MACF1: variants seen among roughly 807,000 people sequenced by gnomAD.
MACF1 encodes microtubule actin crosslinking factor 1.
MACF1 carries 193 observed loss-of-function variants against 854.8 expected under a neutral mutation model. That is an observed-to-expected ratio of 0.23 (90% CI 0.20 to 0.25). The LOEUF is 0.25. MACF1 is among the 10% of genes least tolerant of loss of function. MACF1 has a pLI of 1.00. For missense variants in MACF1, 7,722 were observed against 8,929.1 expected, an observed-to-expected ratio of 0.86 and a Z score of 5.45; for synonymous variants, 3,185 against 3,226.7, an observed-to-expected ratio of 0.99 and a Z score of 0.44.
In MACF1 at chr1:39,084,460, G is replaced by T. The variant is rs752502019; in HGVS notation, c.220+22G>T. ...GCTGGTAAGAGAGGTCCCCCAGCAG[G>T]CTGGACGCTGTGGGTGTGAGGGAGG... On this transcript the variant is annotated intron_variant, in intron 2 of 93. Transcript: ENST00000361689. This position sits in a 1 kb window ranked among gnomAD's most constrained non-coding sequence, Gnocchi z 5.2. 1.3e-6 allele frequency: 2 copies of T among 1,591,514 alleles called. No homozygotes were observed. Among genetic ancestry groups the T allele is most frequent in the East Asian group, 2.3e-5 (1 of 44,206 alleles).
chr1:39,307,781 C>T (rs530292865), intron 23 of MACF1, among the ~76,000 whole-genome samples: 1 of 151,276 alleles, frequency 6.6e-6, no homozygotes. Context: ...GCCATGTTGG[C>T]CAGGCTGGTC....
intron 18 of MACF1, 60 bp from the exon 19 acceptor site, chr1:39,294,986 A>G: frequency 8.1e-7 from 1 of 1,231,470 alleles, no homozygotes; most frequent in Non-Finnish European, 1.2e-6. Flanking sequence ...GCTTTTATTT[A>G]TGCTATCCGC....
intron 2 of MACF1, among the ~76,000 whole-genome samples, chr1:39,234,689 GAC>G: frequency 7.9e-6 from 1 of 127,330 alleles, no homozygotes; most frequent in East Asian, 2.5e-4. Context: ...GTCGGGCGGA[GAC>G]GCTCCTCACT....
In MACF1 at chr1:39,485,811, C is replaced by G. The variant is rs545883235; in HGVS notation, c.*17C>G. The G allele has an allele frequency of 1.4e-5, 22 of 1,560,232 alleles. No individual in the cohort carries two copies. The Admixed American group carries it at 2.0e-4, about 14-fold the overall frequency. On this transcript the variant is annotated 3_prime_UTR_variant, in exon 101 of 101. Coordinates refer to ENST00000564288, the MANE Select transcript of MACF1 (RefSeq NM_001394062.1). Reference sequence around the variant, plus strand: ...AAGCGATAACACTGTCTAAGCACCCCCAAGCCACTATCCACTTTGAATCCT... The same window carrying G: ...AAGCGATAACACTGTCTAAGCACCCGCAAGCCACTATCCACTTTGAATCCT...
chr1:39,239,108 C>T (rs1644892003), intron 2 of MACF1, among the ~76,000 whole-genome samples: 2 of 152,124 alleles, frequency 1.3e-5, no homozygotes, highest in Non-Finnish European at 2.9e-5. Context: ...TGGTGAAACC[C>T]CATCTCTACT....
intron 2 of MACF1, among the ~76,000 whole-genome samples, chr1:39,155,648 T>G (rs1166387303): frequency 6.6e-6 from 1 of 152,264 alleles, no homozygotes; most frequent in Non-Finnish European, 1.5e-5. Flanking sequence ...TATATTTTTA[T>G]AGGGAAAAGT....
chr1:39,141,611 T>G (rs1217760449), intron 2 of MACF1, among the ~76,000 whole-genome samples: 5 of 152,170 alleles, frequency 3.3e-5, no homozygotes, highest in Admixed American at 3.3e-4. Flanking sequence ...CTTAAAATGG[T>G]GCTTGGTTTG....
chr1:39,289,693 C>CTTTTTTTTTTTTTTTTTTTTT lies in MACF1; in HGVS notation c.1785+2143_1785+2163dup, dbSNP rs58188740. ...ATTTTCTCCCATTCTGTGGGTTGTCCTTTTTTTTTTTTTTTTTTTTTTTTT... is the reference window on the plus strand; with the variant it reads ...ATTTTCTCCCATTCTGTGGGTTGTCCTTTTTTTTTTTTTTTTTTTTTTTTTTTTTTTTTTTTTTTTTTTTTT... On this transcript the variant is annotated intron_variant, in intron 15 of 100. Transcript: ENST00000564288. Among the ~76,000 whole-genome samples the CTTTTTTTTTTTTTTTTTTTTT allele has an allele frequency of 2.4e-4, 7 of 28,966 alleles. 3 individuals are homozygous for CTTTTTTTTTTTTTTTTTTTTT. Among genetic ancestry groups the CTTTTTTTTTTTTTTTTTTTTT allele is most frequent in the East Asian group, 2.8e-3 (2 of 724 alleles). The allele number at this position is 28,966 out of a possible 152,430, so 19.0% of individuals were successfully genotyped here.
intron 2 of MACF1, among the ~76,000 whole-genome samples, chr1:39,118,327 T>G (rs919306451): frequency 2.0e-5 from 3 of 151,318 alleles, no homozygotes; most frequent in Non-Finnish European, 4.4e-5. Context: ...AGGGGAAGAA[T>G]GTAGGACTTG....
chr1:39,084,532 C>CA lies in MACF1; in HGVS notation c.220+94_220+95insA. 9.8e-7 allele frequency: 1 copy of CA among 1,017,124 alleles called. No homozygotes were observed. Among genetic ancestry groups the CA allele is most frequent in the Non-Finnish European group, 1.5e-6 (1 of 687,278 alleles). 63.0% of individuals were successfully genotyped at this position (1,017,124 alleles called of 1,614,324 possible). A position where few individuals can be genotyped will look rare whatever the true frequency, so the allele number is the denominator to read the frequency against. On this transcript the variant is annotated intron_variant, in intron 2 of 93. Transcript: ENST00000361689. The surrounding 1 kb of genome is among the most constrained non-coding windows in gnomAD (Gnocchi z 5.2). ...TGTGTGGGGAGCCGAGGGGTCCTCA[C>CA]CAGGGCCTCTGACAAAGCAGCCATC...
chr1:39,426,628 T>C (rs959771125), intron 61 of MACF1, among the ~76,000 whole-genome samples: 1 of 152,198 alleles, frequency 6.6e-6, no homozygotes, highest in Non-Finnish European at 1.5e-5. Flanking sequence ...ACAGGTACTT[T>C]GGAAAGTACA....
At chr1:39,477,088 T>C (rs1269260738) in intron 97 of MACF1, among the ~76,000 whole-genome samples, 2,985 of 15,640 alleles carry the variant, frequency 0.19, 298 homozygotes, top group African/African-American at 0.34. Context: ...TATATATATA[T>C]ATACACACAC....
At chr1:39,327,110 A>C in intron 35 of MACF1, 108 bp from the exon 36 acceptor site, 2 of 1,069,636 alleles carry the variant, frequency 1.9e-6, no homozygotes, top group Non-Finnish European at 2.6e-6. Context: ...TGAATATGGA[A>C]GAAGATCATC....
chr1:39,269,068 A>G lies in MACF1; in HGVS notation c.528+11040A>G, dbSNP rs569604807. The G allele has an allele frequency of 7.4e-5, 96 of 1,289,762 alleles. 1 individual carries two copies. The South Asian group carries it at 1.1e-3, about 15-fold the overall frequency. 79.9% of individuals were successfully genotyped at this position (1,289,762 alleles called of 1,614,324 possible). On this transcript the variant is annotated intron_variant, in intron 6 of 100. Transcript: ENST00000564288. ...GTCCAGACCGCCCACCTTTTGTTAG[A>G]GAATGAGTCATCAGTTGCTGGAGGG...
chr1:39,333,376 A>G lies in MACF1; in HGVS notation c.6788A>G (p.Glu2263Gly), dbSNP rs1291258917. 9.9e-6 allele frequency: 16 copies of G among 1,614,014 alleles called. No homozygotes were observed. Among genetic ancestry groups the G allele is most frequent in the Non-Finnish European group, 1.3e-5 (15 of 1,180,014 alleles). Residue 2263 changes from glutamate to glycine, a missense_variant, in exon 37 of 101, where the codon GAA becomes GGA. Physicochemically the swap from Glu to Gly is moderately conservative, Grantham distance 98. This residue lies in a region of MACF1 where 1,531 missense variants were observed against 1,601.6 expected (regional missense o/e 0.96). Transcript: ENST00000564288. ...ATGATGTCAGAAAAGACCGATGAGGAAGATAGTGGCAGGGAAATTTTTCTG... is the reference window on the plus strand; with the variant it reads ...ATGATGTCAGAAAAGACCGATGAGGGAGATAGTGGCAGGGAAATTTTTCTG... ...SMMMSEKTDEEDSGREIFLSC... is the reference protein window; with the variant it reads ...SMMMSEKTDEGDSGREIFLSC...
At chr1:39,411,465 A>G (rs779832861) in intron 58 of MACF1, 6 of 1,613,844 alleles carry the variant, frequency 3.7e-6, no homozygotes, top group Non-Finnish European at 5.1e-6. Flanking sequence ...CTGATGACCC[A>G]CAGCCAGCCA....
intron 58 of MACF1, among the ~76,000 whole-genome samples, chr1:39,389,168 G>A (rs967741541): frequency 6.6e-6 from 1 of 151,082 alleles, no homozygotes; most frequent in Non-Finnish European, 1.5e-5. Context: ...GAGCCATCAC[G>A]CCCAGCCAGA....
intron 2 of MACF1, among the ~76,000 whole-genome samples, chr1:39,156,818 T>G (rs1643698053): frequency 6.6e-6 from 1 of 152,236 alleles, no homozygotes; most frequent in African/African-American, 2.4e-5. Flanking sequence ...AGTTGCATTT[T>G]GAGAAAAATG....
Position 39,452,756 on chromosome 1 carries a change from C to T in MACF1, c.20686C>T (p.Arg6896Trp), listed in dbSNP as rs1401126531. The T allele has an allele frequency of 6.2e-7, 1 of 1,614,050 alleles. No individual in the cohort carries two copies. The highest frequency in any genetic ancestry group is 8.5e-7 in the Non-Finnish European group (1 of 1,180,014). ...LSEAEQTLRF[R>W]GALPDDTEAL... ...TGAAGCAGAGCAAACGCTTCGCTTT[C>T]GGGGAGCACTTCCTGATGACACAGA... is the stretch of plus-strand genomic sequence containing the variant. Residue 6896 changes from arginine to tryptophan, a missense_variant, in exon 87 of 101, where the codon CGG (arginine) becomes TGG (tryptophan). Physicochemically the swap from Arg to Trp is moderately radical, Grantham distance 101. Coordinates refer to ENST00000564288, the MANE Select transcript of MACF1 (RefSeq NM_001394062.1).
Sources: allele counts gnomAD v4.1 joint callset (sites outside exome capture counted in the v4.1 genomes callset), GRCh38; gene constraint gnomAD v4.1.1; regional missense constraint gnomAD v4.1.1; non-coding constraint Gnocchi (gnomAD v3.1); transcripts MANE v1.5; gene names NCBI Gene and HGNC (gene_info 2026-07-23, HGNC 2026-07-21).